The following ZFHX4 variants were observed in gnomAD, a reference collection of about 807,000 sequenced individuals.
ZFHX4 encodes zinc finger homeobox protein 4.
A neutral mutation model predicts 267.6 loss-of-function variants in ZFHX4; 56 were observed. That is an observed-to-expected ratio of 0.21 (90% CI 0.17 to 0.26). The LOEUF (loss-of-function observed/expected upper bound fraction) is 0.26. ZFHX4 is among the 10% of genes least tolerant of loss of function. The pLI, the probability that ZFHX4 is intolerant of heterozygous loss-of-function variation, is 1.00. For synonymous variants in ZFHX4, 1,778 were observed against 1,665.6 expected, an observed-to-expected ratio of 1.07 and a Z score of -1.64; for missense variants, 4,332 against 4,420.0, an observed-to-expected ratio of 0.98 and a Z score of 0.56.
rs563890141 is a variant in ZFHX4 at position 76,863,145 on chromosome 8, C to T, written c.9431C>T (p.Ser3144Leu). 90 of 1,543,370 alleles carry T rather than the reference C, an allele frequency of 5.8e-5. No individual in the cohort carries two copies. Among genetic ancestry groups the T allele is most frequent in the Admixed American group, 3.8e-4 (19 of 49,548 alleles). ...GMLGFPTSAT[S>L]SPALSLSSAP... Reference sequence around the variant, plus strand: ...CTTGGGTTTCCTACTTCAGCTACTTCGTCTCCTGCCCTGTCTCTCAGCAGT... The same window carrying T: ...CTTGGGTTTCCTACTTCAGCTACTTTGTCTCCTGCCCTGTCTCTCAGCAGT... Residue 3144 changes from serine to leucine, a missense_variant, in exon 11 of 11, where the codon TCG (serine) becomes TTG (leucine). Ser to Leu is a moderately radical substitution (Grantham distance 145, BLOSUM62 -2). Around this residue, in one of 7 missense-constraint regions of ZFHX4, gnomAD observed 1,648 missense variants for 1,625.0 expected, o/e 1.01. Transcript: ENST00000651372.
chr8:76,753,417 T>C (rs1005620129), intron 3 of ZFHX4, among the ~76,000 whole-genome samples: 1 of 152,224 alleles, frequency 6.6e-6, no homozygotes, highest in South Asian at 2.1e-4. Context: ...TTATATTGCA[T>C]AAATAATACT....
Position 76,867,110 on chromosome 8 carries a change from C to T in ZFHX4, c.*2545C>T, listed in dbSNP as rs1281681467. On this transcript the variant is annotated 3_prime_UTR_variant, in exon 11 of 11. Transcript: ENST00000651372. ...GTAATGTTTGAAGTCTCAAATGCAC[C>T]GTATTACGGTAAATAACATGGTTTT... 6.6e-6 allele frequency: 1 copy of T among 152,492 alleles called. No individual in the cohort carries two copies. The highest frequency in any genetic ancestry group is 2.4e-5 in the African/African-American group (1 of 41,404). 9.4% of individuals were successfully genotyped at this position (152,492 alleles called of 1,614,324 possible). A position where few individuals can be genotyped will look rare whatever the true frequency, so the allele number is the denominator to read the frequency against.
At position 76,851,035 on chromosome 8, in the gene ZFHX4, G is replaced by T; in HGVS notation, c.4114G>T (p.Asp1372Tyr). The stretch of plus-strand genomic sequence containing the variant: ...TAGCAGTAAGGATGTGAAAATCCCC[G>T]ACACACTGCAAGATCAATTAAATGA... Reference protein sequence around the residue: ...KNSSKDVKIPDTLQDQLNEQQ... With the variant: ...KNSSKDVKIPYTLQDQLNEQQ... The change falls in exon 10 of 11, where the codon GAC becomes TAC. Residue 1372 changes from aspartate (D) to tyrosine (Y), a missense_variant. Around this residue, in one of 7 missense-constraint regions of ZFHX4, gnomAD observed 1,371 missense variants for 1,423.1 expected, o/e 0.96. Transcript: ENST00000651372. 3 of 1,613,896 alleles carry T rather than the reference G, an allele frequency of 1.9e-6. No homozygotes were observed. Among genetic ancestry groups the T allele is most frequent in the Non-Finnish European group, 1.7e-6 (2 of 1,179,848 alleles).
chr8:76,815,339 C>T (rs936283624), intron 4 of ZFHX4, among the ~76,000 whole-genome samples: 1 of 152,136 alleles, frequency 6.6e-6, no homozygotes, highest in Non-Finnish European at 1.5e-5. Flanking sequence ...TTATAAACAA[C>T]AGGTGTTTGT....
At chr8:76,824,010 C>T (rs1373419180) in intron 4 of ZFHX4, among the ~76,000 whole-genome samples, 3 of 152,152 alleles carry the variant, frequency 2.0e-5, no homozygotes, top group Non-Finnish European at 2.9e-5. Context: ...ACATTTCATC[C>T]TTACAGTGAC....
chr8:76,730,963 T>C (rs1351673605), intron 3 of ZFHX4, among the ~76,000 whole-genome samples: 2 of 152,276 alleles, frequency 1.3e-5, no homozygotes, highest in African/African-American at 4.8e-5. Flanking sequence ...AAATGGAGCA[T>C]AGCAAGGTCA....
At chr8:76,831,292 G>A (rs1427333621) in intron 4 of ZFHX4, among the ~76,000 whole-genome samples, 1 of 152,142 alleles carries the variant, frequency 6.6e-6, no homozygotes, top group Non-Finnish European at 1.5e-5. Context: ...AAGTCTATAT[G>A]ATACGTTGAA....
intron 3 of ZFHX4, among the ~76,000 whole-genome samples, chr8:76,769,796 A>G (rs1810212718): frequency 6.9e-6 from 1 of 145,282 alleles, no homozygotes; most frequent in African/African-American, 2.8e-5. Context: ...GATCTCAAAA[A>G]TTAATATTTA....
chr8:76,784,227 A>ATTTTG (rs1810627783), intron 4 of ZFHX4, among the ~76,000 whole-genome samples: 1 of 151,644 alleles, frequency 6.6e-6, no homozygotes, highest in Non-Finnish European at 1.5e-5. Context: ...ATTTTATTTT[A>ATTTTG]TTTTATTTTA....
chr8:76,699,002 G>A (rs1808031270), intron 1 of ZFHX4, among the ~76,000 whole-genome samples: 1 of 152,078 alleles, frequency 6.6e-6, no homozygotes, highest in Non-Finnish European at 1.5e-5. Flanking sequence ...GCTCTAAGCT[G>A]GTTAATGCAG....
chr8:76,757,406 C>G (rs1264410107), intron 3 of ZFHX4, among the ~76,000 whole-genome samples: 1 of 152,152 alleles, frequency 6.6e-6, no homozygotes, highest in Non-Finnish European at 1.5e-5. Context: ...GAGGACCAGT[C>G]TCTAAAAATT....
rs866177801 is a variant in ZFHX4, at chr8:76,854,551, A to G, written c.7630A>G (p.Asn2544Asp). Residue 2544 changes from asparagine (N) to aspartate (D), a missense_variant, in exon 10 of 11, where the codon AAT becomes GAT. By Grantham distance (23) the Asn-to-Asp change is conservative. Around this residue, in one of 7 missense-constraint regions of ZFHX4, gnomAD observed 1,648 missense variants for 1,625.0 expected, o/e 1.01. Transcript: ENST00000651372. ...GCCCTACATGATATTTGACCCCAAC[A>G]ATCCGCTGATGACTGGACAACTGCT... ...DMPYMIFDPN[N>D]PLMTGQLLGS... The G allele has an allele frequency of 5.6e-6, 9 of 1,613,640 alleles. No homozygotes were observed. The highest frequency in any genetic ancestry group is 7.6e-6 in the Non-Finnish European group (9 of 1,179,866).
chr8:76,754,854 C>T (rs1236105724), intron 3 of ZFHX4, among the ~76,000 whole-genome samples: 15 of 152,160 alleles, frequency 9.9e-5, no homozygotes, highest in Admixed American at 9.2e-4. Context: ...TCTTACCCTT[C>T]CCAGTGTTTA....
chr8:76,833,290 A>G (rs777227227), intron 4 of ZFHX4, 48 bp from the exon 5 acceptor site: 1 of 1,526,948 alleles, frequency 6.5e-7, no homozygotes, highest in Admixed American at 1.8e-5. Context: ...ATGATGAGAG[A>G]GCTGGATATG....
intron 3 of ZFHX4, among the ~76,000 whole-genome samples, chr8:76,757,114 TTTA>T (rs1809785083): frequency 2.6e-5 from 4 of 152,114 alleles, no homozygotes; most frequent in Admixed American, 6.6e-5. Context: ...TCCTGAAAAC[TTTA>T]TTAAGTGACA....
At position 76,864,755 on chromosome 8, in the gene ZFHX4, G is replaced by A. The variant is rs2131987021; in HGVS notation, c.*190G>A. On this transcript the variant is annotated 3_prime_UTR_variant, in exon 11 of 11. Coordinates refer to ENST00000651372, the MANE Select transcript of ZFHX4 (RefSeq NM_024721.5). ...GTATGTAATGGACAGAACTGATGCA[G>A]ATGGTTGAATGCGCTTGTACTATAT... The A allele has an allele frequency of 4.5e-6, 2 of 440,104 alleles. No individual in the cohort carries two copies. Among genetic ancestry groups the A allele is most frequent in the Admixed American group, 3.9e-5 (1 of 25,718 alleles). The allele number at this position is 440,104 out of a possible 1,614,324, so 27.3% of individuals were successfully genotyped here.
At chr8:76,858,998 G>A (rs1812802187) in intron 10 of ZFHX4, among the ~76,000 whole-genome samples, 1 of 152,202 alleles carries the variant, frequency 6.6e-6, no homozygotes, top group South Asian at 2.1e-4. Flanking sequence ...TTCAGTGAAT[G>A]TAAGATGAAC....
intron 3 of ZFHX4, among the ~76,000 whole-genome samples, chr8:76,760,994 T>G (rs1476903769): frequency 6.6e-6 from 1 of 150,656 alleles, no homozygotes; most frequent in Non-Finnish European, 1.5e-5. Flanking sequence ...AGCCAGTTAG[T>G]TACTAAACAC....
chr8:76,742,334 C>A (rs922481756), intron 3 of ZFHX4, among the ~76,000 whole-genome samples: 2 of 152,090 alleles, frequency 1.3e-5, no homozygotes, highest in Non-Finnish European at 2.9e-5. Flanking sequence ...TTGAATCTGG[C>A]AATTTTGGCG....
Sources: gnomAD v4.1 joint callset for allele counts (sites outside exome capture counted in the v4.1 genomes callset) on GRCh38, gnomAD v4.1.1 for gene constraint, gnomAD v4.1.1 regional missense constraint, MANE v1.5 for transcripts, NCBI Gene and HGNC (gene_info 2026-07-23, HGNC 2026-07-21) for gene names.